Variants in CDH13 observed in about 807,000 individuals in gnomAD.
CDH13 encodes cadherin-13.
In CDH13, 24 loss-of-function variants were observed where a neutral mutation model predicts 63.8. The ratio of observed to expected loss-of-function variants is 0.38; its 90% confidence interval spans 0.27 to 0.53. The LOEUF is 0.53. CDH13 is among the 20% of genes least tolerant of loss of function. The pLI, the probability that CDH13 is intolerant of heterozygous loss-of-function variation, is 0.85. For missense variants in CDH13, 1,049 were observed against 903.1 expected (o/e 1.16, Z -2.07); for synonymous variants, 503 against 355.3 (o/e 1.42, Z -4.67).
In CDH13 at chr16:83,479,437, A is replaced by C. The variant is rs551012588; in HGVS notation, c.782-7040A>C. On this transcript the variant is annotated intron_variant, in intron 6 of 13. Transcript: ENST00000567109. ...ATCCCAGCACTTTGACGGGCAGATC[A>C]CGAGTTCAGGAGATCGAGACCATCC... is the stretch of plus-strand genomic sequence containing the variant. Among the ~76,000 whole-genome samples, 405 of 152,242 alleles carry C rather than the reference A, an allele frequency of 2.7e-3. 5 individuals carry two copies. Among genetic ancestry groups the C allele is most frequent in the Non-Finnish European group, 1.1e-3 (74 of 68,016 alleles).
intron 8 of CDH13, among the ~76,000 whole-genome samples, chr16:83,669,226 C>A (rs1413058343): frequency 6.6e-6 from 1 of 152,126 alleles, no homozygotes; most frequent in African/African-American, 2.4e-5. Context: ...GGACCCCGGG[C>A]AGTTTCTCTT....
chr16:82,654,741 T>C (rs1032224997), intron 1 of CDH13, among the ~76,000 whole-genome samples: 6 of 152,250 alleles, frequency 3.9e-5, no homozygotes, highest in African/African-American at 1.2e-4. Context: ...AGGATTTTTT[T>C]TTTTTTCATA....
intron 2 of CDH13, among the ~76,000 whole-genome samples, chr16:82,895,319 C>T (rs2041214608): frequency 6.6e-6 from 1 of 152,134 alleles, no homozygotes; most frequent in Non-Finnish European, 1.5e-5. Context: ...TTGTGTCCTT[C>T]CCTGGCTTGT....
At chr16:83,370,704 T>C (rs147983064) in intron 6 of CDH13, among the ~76,000 whole-genome samples, 1 of 152,336 alleles carries the variant, frequency 6.6e-6, no homozygotes, top group Non-Finnish European at 1.5e-5. Context: ...CTCCCACTTA[T>C]AAATGAGAAC....
chr16:83,527,878 A>C (rs2074999394), intron 7 of CDH13, among the ~76,000 whole-genome samples: 1 of 152,250 alleles, frequency 6.6e-6, no homozygotes, highest in African/African-American at 2.4e-5. Flanking sequence ...TTTTCTCAGT[A>C]CCACTTTAAT....
chr16:82,793,227 A>T (rs1044533989), intron 1 of CDH13, among the ~76,000 whole-genome samples: 1 of 152,228 alleles, frequency 6.6e-6, no homozygotes, highest in South Asian at 2.1e-4. Context: ...CAAGGGCAGC[A>T]TGGGGAATTT....
chr16:82,965,990 C>G lies in CDH13; in HGVS notation c.158-66020C>G, dbSNP rs570799822. Reference sequence around the variant, plus strand: ...CAGGGCATGAAAATATCCCTGTCAGCCAATCAGTCAACGAGTTGACCAAGC... The same window carrying G: ...CAGGGCATGAAAATATCCCTGTCAGGCAATCAGTCAACGAGTTGACCAAGC... On this transcript the variant is annotated intron_variant, in intron 2 of 13. Coordinates refer to ENST00000567109, the MANE Select transcript of CDH13 (RefSeq NM_001257.5). 3.3e-5 allele frequency among the ~76,000 whole-genome samples: 5 copies of G among 152,274 alleles called. No homozygotes were observed. In the East Asian group the frequency reaches 9.6e-4, roughly 29 times the overall value.
rs568834315 is a variant in CDH13 at position 82,933,333 on chromosome 16, CTA to C, written c.157+74862_157+74863del. Among the ~76,000 whole-genome samples, 1,091 of 152,244 alleles carry C rather than the reference CTA, an allele frequency of 7.2e-3. 11 individuals are homozygous for C. Among genetic ancestry groups the C allele is most frequent in the Middle Eastern group, 0.031 (9 of 294 alleles). On this transcript the variant is annotated intron_variant, in intron 2 of 13. Transcript: ENST00000567109. ...AAGGGGAGAAAAGCCCCCTATAAAA[CTA>C]TCAGATTTTGGGAGAACTCATTCAC... is the stretch of plus-strand genomic sequence containing the variant.
chr16:83,616,867 A>T (rs936983470), intron 8 of CDH13, among the ~76,000 whole-genome samples: 1 of 152,200 alleles, frequency 6.6e-6, no homozygotes, highest in African/African-American at 2.4e-5. Context: ...CTTAGGCCAC[A>T]CGGGAGCTCT....
intron 5 of CDH13, among the ~76,000 whole-genome samples, chr16:83,267,848 T>G (rs1286118055): frequency 6.6e-6 from 1 of 152,198 alleles, no homozygotes; most frequent in Admixed American, 6.5e-5. Flanking sequence ...GACTAAGACA[T>G]CTTTTATCAC....
Position 82,675,973 on chromosome 16 carries a change from G to C in CDH13, c.45+48836G>C, listed in dbSNP as rs535754669. Among the ~76,000 whole-genome samples the C allele has an allele frequency of 1.1e-4, 17 of 152,308 alleles. No homozygotes were observed. The East Asian group carries it at 3.3e-3, about 29-fold the overall frequency. ...GCCTCCCTGTGAACCTGCTTCCCTG[G>C]AGGGTATGCTCAAACTCAATTCCCT... On this transcript the variant is annotated intron_variant, in intron 1 of 13. Transcript: ENST00000567109.
intron 1 of CDH13, among the ~76,000 whole-genome samples, chr16:82,819,494 C>G (rs1216587587): frequency 1.3e-5 from 2 of 152,286 alleles, no homozygotes; most frequent in Middle Eastern, 3.4e-3. Context: ...TCTTTTGTCC[C>G]AGGCTTGGCC....
chr16:83,039,226 A>C (rs1423195982), intron 3 of CDH13, among the ~76,000 whole-genome samples: 1 of 152,192 alleles, frequency 6.6e-6, no homozygotes, highest in African/African-American at 2.4e-5. Context: ...TCCTCTGCTT[A>C]ATAGGCTCTC....
At chr16:83,771,969 C>T (rs1323129911) in intron 11 of CDH13, among the ~76,000 whole-genome samples, 2 of 152,122 alleles carry the variant, frequency 1.3e-5, no homozygotes, top group African/African-American at 2.4e-5. Context: ...GTCAATGACA[C>T]AAGAGAAAAG....
intron 6 of CDH13, among the ~76,000 whole-genome samples, chr16:83,401,670 G>GA (rs1023359153): frequency 4.0e-5 from 6 of 151,816 alleles, no homozygotes; most frequent in African/African-American, 7.2e-5. Context: ...AAAAAAAAGA[G>GA]AAAAAAAATA....
intron 6 of CDH13, among the ~76,000 whole-genome samples, chr16:83,386,375 C>G (rs11645450): frequency 0.11 from 16,358 of 152,194 alleles, 1,145 homozygotes; most frequent in Non-Finnish European, 0.16. Flanking sequence ...ATTAGAGACA[C>G]CTGGTCACTG....
intron 7 of CDH13, among the ~76,000 whole-genome samples, chr16:83,503,107 A>G (rs1255590110): frequency 2.0e-5 from 3 of 152,250 alleles, no homozygotes; most frequent in South Asian, 2.1e-4. Context: ...TAGGTGCTCA[A>G]TACACATTGG....
chr16:82,702,969 G>T (rs770161990), intron 1 of CDH13, among the ~76,000 whole-genome samples: 1 of 152,132 alleles, frequency 6.6e-6, no homozygotes, highest in Non-Finnish European at 1.5e-5. Flanking sequence ...TTAGCTTGGT[G>T]AGGGTGTATC....
intron 2 of CDH13, among the ~76,000 whole-genome samples, chr16:82,895,669 T>C (rs989586644): frequency 7.6e-5 from 11 of 144,146 alleles, no homozygotes; most frequent in African/African-American, 2.6e-4. Flanking sequence ...CATTACATAC[T>C]AGGAAAGGGA....
Sources: allele counts gnomAD v4.1 joint callset (sites outside exome capture counted in the v4.1 genomes callset), GRCh38; gene constraint gnomAD v4.1.1; transcripts MANE v1.5; gene names NCBI Gene and HGNC (gene_info 2026-07-23, HGNC 2026-07-21).